Variants in CMC2 observed in about 807,000 individuals in gnomAD.
CMC2 encodes the protein COX assembly mitochondrial protein 2 homolog.
In CMC2, 5 loss-of-function variants were observed where a neutral mutation model predicts 7.5. The ratio of observed to expected loss-of-function variants is 0.66; its 90% CI spans 0.35 to 1.40. CMC2 has a LOEUF of 1.40. Among genes scored for constraint, CMC2 ranks in the 40% most tolerant of loss-of-function variants. The probability of loss-of-function intolerance (pLI) is 0.04; values close to 1 mark genes in which losing one functional copy is unlikely to be tolerated. For synonymous variants in CMC2, 37 were observed against 31.4 expected (o/e 1.18, Z -0.60); for missense variants, 115 against 92.3 (o/e 1.25, Z -1.01).
At chr16:81,005,229 T>G (rs1969177495) in intron 1 of CMC2, among the ~76,000 whole-genome samples, 1 of 152,164 alleles carries the variant, frequency 6.6e-6, no homozygotes, top group South Asian at 2.1e-4. Flanking sequence ...AGGACAAGCC[T>G]GGCCAACATG....
chr16:80,991,703 A>G (rs1968007037), intron 2 of CMC2: 5 of 262,796 alleles, frequency 1.9e-5, no homozygotes, highest in Non-Finnish European at 3.8e-5. Flanking sequence ...GTCAACATTA[A>G]CAGTGATAAA....
At chr16:80,988,574 G>C (rs1300699100) in intron 2 of CMC2, 3 of 698,582 alleles carry the variant, frequency 4.3e-6, no homozygotes, top group African/African-American at 1.8e-5. Flanking sequence ...AACCGAGTAA[G>C]TTGCAGATAT....
chr16:80,973,528 C>T lies in CMC2; in HGVS notation c.*2565G>A, dbSNP rs1369840400. ...TTAACCATAACTATTCACCGAATAA[C>T]CAGAAAGATCTTTATAAAATATAAA... On this transcript the variant is annotated 3_prime_UTR_variant, in exon 4 of 4. Coordinates refer to ENST00000219400, the MANE Select transcript of CMC2 (RefSeq NM_020188.5). 2.0e-5 allele frequency: 3 copies of T among 152,140 alleles called. No individual in the cohort carries two copies. The highest frequency in any genetic ancestry group is 2.0e-4 in the Admixed American group (3 of 15,288). 9.4% of individuals were successfully genotyped at this position (152,140 alleles called of 1,614,324 possible). A position where few individuals can be genotyped will look rare whatever the true frequency, so the allele number is the denominator to read the frequency against.
intron 3 of CMC2, among the ~76,000 whole-genome samples, chr16:80,976,940 A>G (rs943114299): frequency 6.6e-6 from 1 of 152,114 alleles, no homozygotes; most frequent in African/African-American, 2.4e-5. Context: ...CTTTAACATT[A>G]ATGCCCCTTA....
chr16:81,004,245 C>G (rs1969075077), intron 1 of CMC2, among the ~76,000 whole-genome samples: 1 of 152,128 alleles, frequency 6.6e-6, no homozygotes, highest in Non-Finnish European at 1.5e-5. Flanking sequence ...TTATGAACAT[C>G]AGCAGCATGG....
At chr16:80,987,087 T>C (rs1326104066) in intron 2 of CMC2, among the ~76,000 whole-genome samples, 7 of 152,174 alleles carry the variant, frequency 4.6e-5, no homozygotes, top group African/African-American at 1.7e-4. Context: ...CCACCAAATT[T>C]GCCAGTAGTG....
intron 3 of CMC2, among the ~76,000 whole-genome samples, chr16:80,979,615 TTA>T (rs1597215168): frequency 2.0e-5 from 3 of 151,406 alleles, no homozygotes; most frequent in African/African-American, 7.3e-5. Flanking sequence ...ATTTTTTATT[TTA>T]TTTTTTTTTA....
At chr16:81,003,315 T>G (rs928935368) in intron 1 of CMC2, among the ~76,000 whole-genome samples, 1 of 152,236 alleles carries the variant, frequency 6.6e-6, no homozygotes, top group African/African-American at 2.4e-5. Context: ...ATTCTTATTC[T>G]TAAAATTTCT....
intron 3 of CMC2, chr16:80,980,671 C>T: frequency 1.9e-6 from 1 of 517,782 alleles, no homozygotes; most frequent in Non-Finnish European, 3.5e-6. Flanking sequence ...GGGAGGACTG[C>T]TTGAGGTTAG....
intron 2 of CMC2, 67 bp downstream of exon 2, chr16:80,997,247 C>T: frequency 2.3e-6 from 2 of 886,994 alleles, no homozygotes; most frequent in Admixed American, 1.7e-5. Flanking sequence ...ACGGAGATAA[C>T]ATTTTACATC....
intron 3 of CMC2, among the ~76,000 whole-genome samples, chr16:80,981,097 C>G (rs1346002705): frequency 6.8e-6 from 1 of 147,454 alleles, no homozygotes; most frequent in African/African-American, 2.5e-5. Context: ...AAAAAAAGTT[C>G]AAAAATAACA....
chr16:80,999,640 C>T (rs1357593944), intron 1 of CMC2, among the ~76,000 whole-genome samples: 9 of 152,144 alleles, frequency 5.9e-5, no homozygotes, highest in East Asian at 5.8e-4. Context: ...AAAAACCAAA[C>T]GTATCACATT....
chr16:80,986,331 C>T (rs1458993654), intron 2 of CMC2, among the ~76,000 whole-genome samples: 2 of 151,936 alleles, frequency 1.3e-5, no homozygotes, highest in African/African-American at 4.8e-5. Flanking sequence ...GCCTGGGCGA[C>T]AGAGAGAAAC....
chr16:80,993,088 C>G (rs1968136003), intron 2 of CMC2, among the ~76,000 whole-genome samples: 1 of 152,162 alleles, frequency 6.6e-6, no homozygotes, highest in African/African-American at 2.4e-5. Context: ...TTAGTTGATT[C>G]ATATGTATGG....
In CMC2 at chr16:81,006,858, C is replaced by G; in HGVS notation, c.-160G>C. 1 of 985,866 alleles carries G rather than the reference C, an allele frequency of 1.0e-6. No homozygotes were observed. Among genetic ancestry groups the G allele is most frequent in the Non-Finnish European group, 1.2e-6 (1 of 830,264 alleles). 61.1% of individuals were successfully genotyped at this position (985,866 alleles called of 1,614,324 possible). On this transcript the variant is annotated 5_prime_UTR_variant, in exon 1 of 4. Coordinates refer to ENST00000219400, the MANE Select transcript of CMC2 (RefSeq NM_020188.5). ...CCAGACGCCGAAACCCAGTGACGCC[C>G]TCCACCGCTCCACCGTGCTCCCGGC...
In CMC2 at chr16:80,971,302, G is replaced by A. The variant is rs548311537; in HGVS notation, c.*4791C>T. 1.3e-5 allele frequency: 2 copies of A among 152,058 alleles called. No homozygotes were observed. Among genetic ancestry groups the A allele is most frequent in the African/African-American group, 4.8e-5 (2 of 41,422 alleles). 9.4% of individuals were successfully genotyped at this position (152,058 alleles called of 1,614,324 possible). A position where few individuals can be genotyped will look rare whatever the true frequency, so the allele number is the denominator to read the frequency against. On this transcript the variant is annotated 3_prime_UTR_variant, in exon 4 of 4. Transcript: ENST00000219400. ...ATTGGACAAGAAGGTAAGTAAGAACGTTCATTGAAGTTTACAATAGCAAAG... is the reference window on the plus strand; with the variant it reads ...ATTGGACAAGAAGGTAAGTAAGAACATTCATTGAAGTTTACAATAGCAAAG...
chr16:80,994,838 T>A (rs1422640080), intron 2 of CMC2, among the ~76,000 whole-genome samples: 2 of 152,168 alleles, frequency 1.3e-5, no homozygotes, highest in African/African-American at 2.4e-5. Flanking sequence ...AATAAAATGA[T>A]GTTTACACAA....
At chr16:80,989,491 G>A (rs1221917595) in intron 2 of CMC2, among the ~76,000 whole-genome samples, 1 of 152,100 alleles carries the variant, frequency 6.6e-6, no homozygotes, top group African/African-American at 2.4e-5. Flanking sequence ...ATCATTCTTT[G>A]ATAAATGTCA....
At chr16:80,991,832 T>A (rs1968017734) in intron 2 of CMC2, 1 of 415,320 alleles carries the variant, frequency 2.4e-6, no homozygotes, top group Non-Finnish European at 4.8e-6. Flanking sequence ...AGAGGAGCAT[T>A]CTACCAAATA....
Sources: gnomAD v4.1 joint callset for allele counts (sites outside exome capture counted in the v4.1 genomes callset) on GRCh38, gnomAD v4.1.1 for gene constraint, MANE v1.5 for transcripts, NCBI Gene and HGNC (gene_info 2026-07-23, HGNC 2026-07-21) for gene names.